Variants in CRELD2 observed in about 807,000 individuals in gnomAD.
CRELD2 encodes protein disulfide isomerase CRELD2.
In CRELD2, 33 loss-of-function variants were observed where a neutral mutation model predicts 48.1. That is an observed-to-expected ratio of 0.69 (90% CI 0.52 to 0.92). The LOEUF (loss-of-function observed/expected upper bound fraction) is 0.92. Among genes scored for constraint, CRELD2 ranks in the 40% least tolerant of loss-of-function variants. The pLI is 0.00. For synonymous variants in CRELD2, 220 were observed against 203.9 expected (o/e 1.08, Z -0.67); for missense variants, 477 against 482.4 (o/e 0.99, Z 0.10).
intron 5 of CRELD2, chr22:49,921,974 G>A: frequency 1.6e-6 from 1 of 611,234 alleles, no homozygotes; most frequent in South Asian, 2.0e-5. Context: ...CCTCAGAAGG[G>A]AGAAGCTACT....
rs377268581 is a variant in CRELD2 at position 49,922,384 on chromosome 22, G to A, written c.593-228G>A. 189 of 1,610,222 alleles carry A rather than the reference G, an allele frequency of 1.2e-4. 1 individual carries two copies. The highest frequency in any genetic ancestry group is 1.0e-3 in the South Asian group (95 of 90,624). On this transcript the variant is annotated intron_variant, in intron 5 of 9. Coordinates refer to ENST00000328268, the MANE Select transcript of CRELD2 (RefSeq NM_024324.5). ...GTGGGCCACGCATGGATCCGTGGCC[G>A]GAACACGCACACCCAGCCAGGCTAC...
intron 7 of CRELD2, chr22:49,923,620 C>T (rs575444234): frequency 5.9e-6 from 3 of 506,252 alleles, no homozygotes; most frequent in South Asian, 2.0e-5. Context: ...CAGCGCCTGT[C>T]GGGTGTTTTC....
At chr22:49,925,862 C>T in intron 9 of CRELD2, 1 of 753,134 alleles carries the variant, frequency 1.3e-6, no homozygotes, top group East Asian at 5.2e-5. Flanking sequence ...GAAGAGGCAG[C>T]TAAAGAGCTG....
chr22:49,923,719 A>G (rs533978744), intron 7 of CRELD2: 16 of 341,754 alleles, frequency 4.7e-5, no homozygotes, highest in South Asian at 3.4e-4. Flanking sequence ...TACTTTTACA[A>G]CAATGTCTGT....
intron 8 of CRELD2, 165 bp from the exon 9 acceptor site, chr22:49,925,252 A>C (rs928256447): frequency 5.4e-6 from 3 of 554,696 alleles, no homozygotes; most frequent in Non-Finnish European, 3.1e-6. Flanking sequence ...GAGACGTGAA[A>C]TTCTTCCCTC....
Position 49,919,733 on chromosome 22 carries a change from G to T in CRELD2, c.216G>T (p.Glu72Asp). 6.2e-7 allele frequency: 1 copy of T among 1,606,814 alleles called. No individual in the cohort carries two copies. Residue 72 changes from glutamate to aspartate, a missense_variant, in exon 3 of 10, where the codon GAG becomes GAT. Physicochemically the swap from Glu to Asp is conservative, Grantham distance 45. Transcript: ENST00000328268. ...EKTLSKYESS[E>D]IRLLEILEGL... ...CCGGTGTGGGCCTGTGTTTCAGCGAGATTCGCCTGCTGGAGATCCTGGAGG... is the reference window on the plus strand; with the variant it reads ...CCGGTGTGGGCCTGTGTTTCAGCGATATTCGCCTGCTGGAGATCCTGGAGG...
At chr22:49,919,963 C>T in intron 3 of CRELD2, 123 bp downstream of exon 3, 2 of 834,266 alleles carry the variant, frequency 2.4e-6, no homozygotes, top group East Asian at 2.6e-5. Flanking sequence ...ACCCACCTTA[C>T]CCCTGCATTA....
intron 6 of CRELD2, 37 bp downstream of exon 6, chr22:49,922,744 G>C (rs766204075): frequency 1.5e-6 from 2 of 1,370,838 alleles, no homozygotes; most frequent in Non-Finnish European, 2.0e-6. Context: ...GGGCGCCTGC[G>C]TGAGGCGTGG....
intron 7 of CRELD2, 62 bp from the exon 8 acceptor site, chr22:49,924,298 G>C: frequency 8.1e-7 from 1 of 1,227,108 alleles, no homozygotes; most frequent in Non-Finnish European, 1.2e-6. Context: ...TGTGCATGTC[G>C]GGGTCTGACG....
At chr22:49,922,826 GT>G (rs2146651352) in intron 6 of CRELD2, 119 bp downstream of exon 6, 1 of 135,676 alleles carries the variant, frequency 7.4e-6, no homozygotes, top group African/African-American at 4.3e-5. Context: ...GGCGTGAAGT[GT>G]GGGGGCGTGA....
At position 49,923,299 on chromosome 22, in the gene CRELD2, G is replaced by T; in HGVS notation, c.754G>T (p.Gly252Cys). 1 of 1,611,894 alleles carries T rather than the reference G, an allele frequency of 6.2e-7. No homozygotes were observed. Residue 252 changes from glycine to cysteine, a missense_variant, in exon 7 of 10, where the codon GGC becomes TGC. Gly to Cys is a radical substitution (Grantham distance 159). Transcript: ENST00000328268. ...SAAQFCKNANGSYTCEECDSS... is the reference protein window; with the variant it reads ...SAAQFCKNANCSYTCEECDSS... ...TGCGCAGTTCTGTAAGAACGCCAAC[G>T]GCTCCTACACGTGCGAAGGTGGGCC...
chr22:49,922,890 GAGCAT>G (rs2060713818), intron 6 of CRELD2, among the ~76,000 whole-genome samples, 183 bp downstream of exon 6: 2 of 71,458 alleles, frequency 2.8e-5, no homozygotes, highest in Non-Finnish European at 5.5e-5. Flanking sequence ...AGGTGTGGGG[GAGCAT>G]GAGGTGGGGC....
chr22:49,924,676 C>T (rs910148476), intron 8 of CRELD2: 17 of 382,138 alleles, frequency 4.4e-5, no homozygotes, highest in Admixed American at 3.9e-4. Flanking sequence ...GTGTGGATGG[C>T]GCTGCTGCAC....
intron 5 of CRELD2, chr22:49,922,191 G>A (rs2060695021): frequency 1.7e-5 from 22 of 1,276,808 alleles, no homozygotes; most frequent in Non-Finnish European, 2.2e-5. Context: ...TGAGTGTCTC[G>A]GACGTGAGTG....
chr22:49,922,852 GTGTGGGGC>G (rs2060711066), intron 6 of CRELD2, 145 bp downstream of exon 6: 1 of 166,084 alleles, frequency 6.0e-6, no homozygotes, highest in Non-Finnish European at 1.1e-5. Flanking sequence ...GGGGCGTGAG[GTGTGGGGC>G]TTGGGGTGTG....
chr22:49,922,728 G>C, intron 6 of CRELD2, 21 bp downstream of exon 6: 1 of 1,508,354 alleles, frequency 6.6e-7, no homozygotes, highest in African/African-American at 1.5e-5. Context: ...GCCCGGGGGT[G>C]GAGGAGGGCG....
intron 9 of CRELD2, among the ~76,000 whole-genome samples, 154 bp from the exon 10 acceptor site, chr22:49,927,101 G>A (rs983095128): frequency 6.6e-6 from 1 of 151,200 alleles, no homozygotes; most frequent in African/African-American, 2.4e-5. Flanking sequence ...TGTGGGAAAC[G>A]GGGGTCTCCG....
intron 8 of CRELD2, chr22:49,924,849 CT>C (rs2060742046): frequency 5.8e-6 from 1 of 173,128 alleles, no homozygotes; most frequent in East Asian, 1.7e-4. Flanking sequence ...AGTGGGTTTC[CT>C]GGGCAGGCGC....
At chr22:49,923,543 C>A in intron 7 of CRELD2, 1 of 647,068 alleles carries the variant, frequency 1.5e-6, no homozygotes, top group Middle Eastern at 2.8e-4. Context: ...GGAGAGCGCA[C>A]CCTGCTGGTG....
Sources: allele counts gnomAD v4.1 joint callset (sites outside exome capture counted in the v4.1 genomes callset), GRCh38; gene constraint gnomAD v4.1.1; transcripts MANE v1.5; gene names NCBI Gene and HGNC (gene_info 2026-07-23, HGNC 2026-07-21).